ARL5B: variants seen among roughly 807,000 people sequenced by gnomAD.
ARL5B encodes ARF like GTPase 5B.
Under a neutral mutation model 26.9 loss-of-function variants are expected in ARL5B, and 10 were observed. The observed-to-expected ratio is 0.37, with a 90% CI of 0.23 to 0.63. ARL5B has a LOEUF of 0.63. Among genes scored for constraint, ARL5B ranks in the 30% least tolerant of loss-of-function variants. The pLI, the probability that ARL5B is intolerant of heterozygous loss-of-function variation, is 0.62. For synonymous variants in ARL5B, 87 were observed against 70.4 expected (o/e 1.24, Z -1.18); for missense variants, 167 against 213.9 (o/e 0.78, Z 1.37).
chr10:18,668,764 A>G (rs960411339), intron 3 of ARL5B, 87 bp downstream of exon 3: 6 of 1,283,468 alleles, frequency 4.7e-6, no homozygotes, highest in African/African-American at 1.6e-5. Flanking sequence ...GCGTATTGAC[A>G]GTTGCCTTTT....
chr10:18,668,930 C>T (rs112667730), intron 3 of ARL5B, among the ~76,000 whole-genome samples: 78 of 152,038 alleles, frequency 5.1e-4, no homozygotes, highest in African/African-American at 1.6e-3. Flanking sequence ...CCACCACACC[C>T]GGCTAATTTT....
chr10:18,664,630 G>A (rs1181375476), intron 1 of ARL5B, among the ~76,000 whole-genome samples: 2 of 151,268 alleles, frequency 1.3e-5, no homozygotes, highest in Middle Eastern at 3.2e-3. Context: ...TGTAGAGACA[G>A]GGTTTCACCG....
At position 18,678,640 on chromosome 10, in the gene ARL5B, T is replaced by C. The variant is rs1001349551; in HGVS notation, c.*3424T>C. The C allele has an allele frequency of 1.3e-5, 2 of 151,898 alleles. No individual in the cohort carries two copies. Among genetic ancestry groups the C allele is most frequent in the African/African-American group, 4.8e-5 (2 of 41,434 alleles). 9.4% of individuals were successfully genotyped at this position (151,898 alleles called of 1,614,324 possible). ...GTGTCTAAAGATGGATAAATTTCTT[T>C]GGAATTTATCTTTGGAGACCAACTT... On this transcript the variant is annotated 3_prime_UTR_variant, in exon 6 of 6. Coordinates refer to ENST00000377275, the MANE Select transcript of ARL5B (RefSeq NM_178815.5).
At position 18,666,655 on chromosome 10, in the gene ARL5B, A is replaced by C. The variant is rs759591183; in HGVS notation, c.107+20A>C. 3.8e-6 allele frequency: 6 copies of C among 1,584,928 alleles called. No homozygotes were observed. In the Admixed American group the frequency reaches 1.0e-4, roughly 27 times the overall value. ...CCAATTGTAAGTATGGGTGTTTATT[A>C]AACAGTTTTCACTAGTTATTGAAAC... is the stretch of plus-strand genomic sequence containing the variant. On this transcript the variant is annotated intron_variant, in intron 2 of 5. Transcript: ENST00000377275.
In ARL5B at chr10:18,673,971, G is replaced by T; in HGVS notation, c.340-13G>T. The stretch of plus-strand genomic sequence containing the variant: ...GTATTTCACATATTAGAAATATTTT[G>T]TCTTGATTGCAGGATTTACGGAAGG... On this transcript the variant is annotated splice_polypyrimidine_tract_variant and intron_variant, in intron 4 of 5. Coordinates refer to ENST00000377275, the MANE Select transcript of ARL5B (RefSeq NM_178815.5). 1 of 1,586,874 alleles carries T rather than the reference G, an allele frequency of 6.3e-7. No homozygotes were observed.
In ARL5B at chr10:18,672,534, G is replaced by A. The variant is rs2059892451; in HGVS notation, c.256-88G>A. 7 of 876,222 alleles carry A rather than the reference G, an allele frequency of 8.0e-6. No homozygotes were observed. In the South Asian group the frequency reaches 9.3e-5, roughly 12 times the overall value. The allele number at this position is 876,222 out of a possible 1,614,324, so 54.3% of individuals were successfully genotyped here. ...TATAGTAATGATGATGCCATGTAGA[G>A]AAAGTACTTAGATTACTTGAGTAGT... On this transcript the variant is annotated intron_variant, in intron 3 of 5. Transcript: ENST00000377275.
chr10:18,668,441 A>G, intron 2 of ARL5B, 89 bp from the exon 3 acceptor site: 2 of 1,393,826 alleles, frequency 1.4e-6, no homozygotes, highest in East Asian at 4.7e-5. Context: ...TTGGTGCAGA[A>G]GGTTGATTGA....
Position 18,679,957 on chromosome 10 carries a change from T to C in ARL5B, c.*4741T>C, listed in dbSNP as rs1047500705. On this transcript the variant is annotated 3_prime_UTR_variant, in exon 6 of 6. Coordinates refer to ENST00000377275, the MANE Select transcript of ARL5B (RefSeq NM_178815.5). ...TTAATGTGGCCAAAGGAGTGAAGAC[T>C]GATTAGGGTTTTAGAATTTGGAACT... The C allele has an allele frequency of 6.6e-6, 1 of 152,016 alleles. No individual in the cohort carries two copies. The highest frequency in any genetic ancestry group is 1.5e-5 in the Non-Finnish European group (1 of 67,896). 9.4% of individuals were successfully genotyped at this position (152,016 alleles called of 1,614,324 possible).
intron 3 of ARL5B, among the ~76,000 whole-genome samples, chr10:18,671,659 C>A (rs2059887981): frequency 6.6e-6 from 1 of 151,064 alleles, no homozygotes; most frequent in East Asian, 2.0e-4. Flanking sequence ...CCTCCTCCCC[C>A]TCACCCACCC....
chr10:18,664,462 G>A (rs1401951218), intron 1 of ARL5B, among the ~76,000 whole-genome samples: 2 of 122,794 alleles, frequency 1.6e-5, no homozygotes, highest in Non-Finnish European at 3.3e-5. Context: ...TTTTGAGATG[G>A]AGTCTCGCTC....
chr10:18,670,584 C>A (rs149912325), intron 3 of ARL5B, among the ~76,000 whole-genome samples: 48 of 152,168 alleles, frequency 3.2e-4, no homozygotes, highest in African/African-American at 1.1e-3. Flanking sequence ...GCACTCCAGC[C>A]TGGGTGGCAG....
chr10:18,668,847 G>T (rs1360093640), intron 3 of ARL5B, among the ~76,000 whole-genome samples, 170 bp downstream of exon 3: 1 of 148,962 alleles, frequency 6.7e-6, no homozygotes, highest in Non-Finnish European at 1.5e-5. Context: ...TTGGCTCGCT[G>T]CAAGCTCCGC....
At chr10:18,666,970 A>T (rs904504978) in intron 2 of ARL5B, among the ~76,000 whole-genome samples, 2 of 152,246 alleles carry the variant, frequency 1.3e-5, no homozygotes, top group Non-Finnish European at 2.9e-5. Context: ...TGATAGCTCT[A>T]GGAAGCCATT....
intron 2 of ARL5B, among the ~76,000 whole-genome samples, chr10:18,667,619 T>C (rs2059867199): frequency 6.6e-6 from 1 of 152,140 alleles, no homozygotes; most frequent in African/African-American, 2.4e-5. Flanking sequence ...GGCAAGGGCA[T>C]ATTTGTTGAA....
At chr10:18,665,754 G>A (rs1053618767) in intron 1 of ARL5B, among the ~76,000 whole-genome samples, 2 of 152,160 alleles carry the variant, frequency 1.3e-5, no homozygotes, top group Non-Finnish European at 2.9e-5. Context: ...GCATTCTTCT[G>A]CCTTGGAGAA....
At chr10:18,667,359 A>G (rs1043978768) in intron 2 of ARL5B, among the ~76,000 whole-genome samples, 17 of 152,314 alleles carry the variant, frequency 1.1e-4, no homozygotes, top group African/African-American at 4.1e-4. Context: ...CGCATTTTTC[A>G]GCTACTTTGC....
intron 1 of ARL5B, among the ~76,000 whole-genome samples, chr10:18,660,442 G>C (rs139766807): frequency 6.6e-6 from 1 of 152,314 alleles, no homozygotes; most frequent in East Asian, 1.9e-4. Flanking sequence ...ATAAGTTAAA[G>C]TTTGAGGCGT....
intron 1 of ARL5B, 56 bp downstream of exon 1, chr10:18,659,739 CG>C: frequency 6.3e-7 from 1 of 1,593,780 alleles, no homozygotes; most frequent in Non-Finnish European, 8.5e-7. Flanking sequence ...GTCCCGCCGC[CG>C]ATGGGGACAC....
At chr10:18,660,111 T>G (rs2059823148) in intron 1 of ARL5B, among the ~76,000 whole-genome samples, 2 of 152,132 alleles carry the variant, frequency 1.3e-5, no homozygotes, top group African/African-American at 4.8e-5. Context: ...CCCTGCAGTT[T>G]GAGCCGTAAG....
Sources: gnomAD v4.1 joint callset for allele counts (sites outside exome capture counted in the v4.1 genomes callset) on GRCh38, gnomAD v4.1.1 for gene constraint, MANE v1.5 for transcripts, NCBI Gene and HGNC (gene_info 2026-07-23, HGNC 2026-07-21) for gene names.